PCDHGA1: variants seen among roughly 807,000 people sequenced by gnomAD.
The protein encoded by PCDHGA1 is protocadherin gamma subfamily A, 1, also known as protocadherin gamma-A1.
A neutral mutation model predicts 58.0 loss-of-function variants in PCDHGA1; 32 were observed. The observed-to-expected ratio is 0.55, with a 90% CI of 0.42 to 0.74. The LOEUF is 0.74. Ranked by LOEUF, PCDHGA1 falls within the 30% of genes least tolerant of loss-of-function variation. PCDHGA1 has a pLI of 0.00. For missense variants in PCDHGA1, 1,205 were observed against 1,182.3 expected (o/e 1.02, Z -0.28); for synonymous variants, 498 against 501.1 (o/e 0.99, Z 0.08).
intron 1 of PCDHGA1, among the ~76,000 whole-genome samples, chr5:141,444,162 T>A: frequency 8.4e-6 from 1 of 119,238 alleles, no homozygotes. Flanking sequence ...ATTTTTTTTT[T>A]TTTTTTTTTT....
chr5:141,454,779 A>G (rs1387404898), intron 1 of PCDHGA1, among the ~76,000 whole-genome samples: 2 of 146,092 alleles, frequency 1.4e-5, no homozygotes, highest in African/African-American at 2.6e-5. Context: ...ACAAGGAAAT[A>G]ATCCTCCATG....
In PCDHGA1 at chr5:141,511,106, G is replaced by A. The variant is rs536900646; in HGVS notation, c.2729G>A (p.Arg910Gln). 4.6e-5 allele frequency: 75 copies of A among 1,614,196 alleles called. No individual in the cohort carries two copies. In the East Asian group the frequency reaches 5.8e-4, roughly 12 times the overall value. Reference protein sequence around the residue: ...NATLTNAAGKRDGKAPAGGNG... With the variant: ...NATLTNAAGKQDGKAPAGGNG... ...ACACTGACCAACGCAGCTGGCAAGC[G>A]GGATGGCAAGGCCCCAGCAGGTGGC... The change falls in exon 4 of 4, where the codon CGG (arginine) becomes CAG (glutamine). Residue 910 changes from arginine (R) to glutamine (Q), a missense_variant. Coordinates refer to ENST00000517417, the MANE Select transcript of PCDHGA1 (RefSeq NM_018912.3).
At chr5:141,383,914 G>C (rs1167823249) in intron 1 of PCDHGA1, 9 of 1,613,960 alleles carry the variant, frequency 5.6e-6, no homozygotes, top group Non-Finnish European at 6.8e-6. Flanking sequence ...CACAGTTTTA[G>C]ATGTAAATGA....
chr5:141,434,194 G>A (rs913533813), intron 1 of PCDHGA1, among the ~76,000 whole-genome samples: 7 of 152,190 alleles, frequency 4.6e-5, no homozygotes, highest in African/African-American at 4.8e-5. Flanking sequence ...TAATTCCAAT[G>A]TACTTACTTC....
chr5:141,345,531 C>G lies in PCDHGA1; in HGVS notation c.2421+12426C>G, dbSNP rs535264828. ...GACCGAGGACACTCTCCAGGGGGCG[C>G]CCCTGTCCTCCTTCGTCTCTATCAA... On this transcript the variant is annotated intron_variant, in intron 1 of 3. Transcript: ENST00000517417. 112 of 1,614,174 alleles carry G rather than the reference C, an allele frequency of 6.9e-5. 1 individual carries two copies. The highest frequency in any genetic ancestry group is 3.8e-4 in the South Asian group (35 of 91,086).
intron 1 of PCDHGA1, chr5:141,410,657 G>A: frequency 1.9e-6 from 3 of 1,579,248 alleles, no homozygotes; most frequent in Non-Finnish European, 2.6e-6. Flanking sequence ...TTATCTAATA[G>A]TCTACTAGTT....
At chr5:141,352,627 T>C (rs1759062502) in intron 1 of PCDHGA1, 1 of 1,612,018 alleles carries the variant, frequency 6.2e-7, no homozygotes, top group African/African-American at 1.3e-5. Context: ...GTGCCAGTAA[T>C]GAAGATCACA....
At chr5:141,373,625 T>C (rs941241888) in intron 1 of PCDHGA1, among the ~76,000 whole-genome samples, 3 of 152,254 alleles carry the variant, frequency 2.0e-5, no homozygotes, top group African/African-American at 7.2e-5. Context: ...GATTGTAATA[T>C]TATTTCTGTT....
chr5:141,463,615 A>G (rs1336539466), intron 1 of PCDHGA1, among the ~76,000 whole-genome samples: 1 of 151,408 alleles, frequency 6.6e-6, no homozygotes, highest in Admixed American at 6.6e-5. Context: ...TGCCCGGCTA[A>G]TTTTTTGTAT....
rs1334123861 is a variant in PCDHGA1, at chr5:141,414,743, C to G, written c.2422-80064C>G. On this transcript the variant is annotated intron_variant, in intron 1 of 3. Coordinates refer to ENST00000517417, the MANE Select transcript of PCDHGA1 (RefSeq NM_018912.3). ...ACTGGCGTCCTGTATGCACTCAGAT[C>G]CTTCGACTATGAGCAGTTTCATGAG... 1.9e-6 allele frequency: 3 copies of G among 1,614,216 alleles called. No homozygotes were observed. In the East Asian group the frequency reaches 6.7e-5, roughly 36 times the overall value.
chr5:141,506,444 CAAAAAAAAAAAAA>C (rs1219684339), intron 3 of PCDHGA1, among the ~76,000 whole-genome samples: 1 of 95,030 alleles, frequency 1.1e-5, no homozygotes, highest in Non-Finnish European at 2.2e-5. Context: ...CGCTCTGTCT[CAAAAAAAAAAAAA>C]AAAAAAAAGA....
intron 1 of PCDHGA1, chr5:141,394,095 G>C (rs1222166545): frequency 1.9e-6 from 3 of 1,613,848 alleles, no homozygotes; most frequent in Non-Finnish European, 2.5e-6. Flanking sequence ...CTCAGATCTA[G>C]GAACACCACC....
chr5:141,356,897 C>T (rs1760380155), intron 1 of PCDHGA1: 1 of 1,614,116 alleles, frequency 6.2e-7, no homozygotes, highest in Non-Finnish European at 8.5e-7. Context: ...CTGTACCCCA[C>T]CTTCCCTACT....
At chr5:141,348,569 C>T (rs773366121) in intron 1 of PCDHGA1, among the ~76,000 whole-genome samples, 1 of 152,162 alleles carries the variant, frequency 6.6e-6, no homozygotes, top group Non-Finnish European at 1.5e-5. Context: ...ACATAGCCTA[C>T]ATATGTGTCA....
intron 1 of PCDHGA1, chr5:141,419,472 G>A (rs1392935171): frequency 6.2e-7 from 1 of 1,612,330 alleles, no homozygotes; most frequent in Non-Finnish European, 8.5e-7. Flanking sequence ...CGCGACCAGG[G>A]CTCGCCCGCG....
At chr5:141,357,358 C>G in intron 1 of PCDHGA1, 1 of 1,614,172 alleles carries the variant, frequency 6.2e-7, no homozygotes, top group Non-Finnish European at 8.5e-7. Flanking sequence ...GAGACGCTGG[C>G]ACAAGTCACG....
chr5:141,366,187 T>G (rs1297939104), intron 1 of PCDHGA1: 4 of 1,613,856 alleles, frequency 2.5e-6, no homozygotes, highest in African/African-American at 1.3e-5. Flanking sequence ...TCTTTGCGGT[T>G]GGGCTGCACA....
Position 141,431,587 on chromosome 5 carries a change from A to C in PCDHGA1, c.2422-63220A>C. On this transcript the variant is annotated intron_variant, in intron 1 of 3. Coordinates refer to ENST00000517417, the MANE Select transcript of PCDHGA1 (RefSeq NM_018912.3). This position sits in a 1 kb window ranked among gnomAD's most constrained non-coding sequence, Gnocchi z 4.8. ...ACCCTGACGAAGGAGTCAATGCGGA[A>C]GTGAGGTATTCCTTCCGGTATGTGG... The C allele has an allele frequency of 1.2e-6, 2 of 1,614,236 alleles. No homozygotes were observed. Among genetic ancestry groups the C allele is most frequent in the Non-Finnish European group, 1.7e-6 (2 of 1,180,036 alleles).
At chr5:141,345,837 G>T (rs1274183980) in intron 1 of PCDHGA1, 5 of 1,613,346 alleles carry the variant, frequency 3.1e-6, no homozygotes, top group African/African-American at 1.3e-5. Context: ...GGGCCAGAAC[G>T]CCTGGCTGTC....
Sources: allele counts gnomAD v4.1 joint callset (sites outside exome capture counted in the v4.1 genomes callset), GRCh38; gene constraint gnomAD v4.1.1; non-coding constraint Gnocchi (gnomAD v3.1); transcripts MANE v1.5; gene names NCBI Gene and HGNC (gene_info 2026-07-23, HGNC 2026-07-21).